Variants in TRAPPC13 observed in about 807,000 individuals in gnomAD.
TRAPPC13 encodes trafficking protein particle complex subunit 13, also known as REV7-interacting novel NHEJ regulator 1.
TRAPPC13 carries 39 observed loss-of-function variants against 54.0 expected under a neutral mutation model. The ratio of observed to expected loss-of-function variants is 0.72; its 90% CI spans 0.56 to 0.94. The LOEUF is 0.94. Among genes scored for constraint, TRAPPC13 ranks in the 40% least tolerant of loss-of-function variants. The pLI is 0.00. For missense variants in TRAPPC13, 386 were observed against 488.1 expected (o/e 0.79, Z 1.97); for synonymous variants, 148 against 167.7 (o/e 0.88, Z 0.91).
At chr5:65,628,051 A>G (rs913739746) in intron 1 of TRAPPC13, among the ~76,000 whole-genome samples, 1 of 152,056 alleles carries the variant, frequency 6.6e-6, no homozygotes, top group Non-Finnish European at 1.5e-5. Flanking sequence ...TGTTGTTAGG[A>G]TGTGAAAAAG....
At position 65,636,399 on chromosome 5, in the gene TRAPPC13, C is replaced by G. The variant is rs200749510; in HGVS notation, c.215+356C>G. On this transcript the variant is annotated intron_variant, in intron 3 of 12. Transcript: ENST00000399438. ...TCAGGTGATCCACCCGCCTCAGCCT[C>G]CCAAAGTGCTTGGATTGCAGGCATG... Among the ~76,000 whole-genome samples the G allele has an allele frequency of 4.1e-4, 63 of 152,118 alleles. No homozygotes were observed. The East Asian group carries it at 0.012, about 28-fold the overall frequency.
At chr5:65,650,360 C>T (rs1253979874) in intron 5 of TRAPPC13, among the ~76,000 whole-genome samples, 1 of 151,730 alleles carries the variant, frequency 6.6e-6, no homozygotes, top group East Asian at 1.9e-4. Flanking sequence ...CAGGGTTTCA[C>T]CATGTTTGCC....
At chr5:65,650,023 A>AT (rs1233980534) in intron 5 of TRAPPC13, among the ~76,000 whole-genome samples, 3 of 150,720 alleles carry the variant, frequency 2.0e-5, no homozygotes, top group Non-Finnish European at 4.4e-5. Context: ...TGCCCAGCTG[A>AT]TTTTTTGTAT....
chr5:65,638,278 T>C (rs1200554200), intron 4 of TRAPPC13, among the ~76,000 whole-genome samples: 1 of 152,238 alleles, frequency 6.6e-6, no homozygotes, highest in Non-Finnish European at 1.5e-5. Context: ...AAAACATTTT[T>C]CCTATTCCAC....
At chr5:65,643,589 C>T (rs2018316) in intron 4 of TRAPPC13, among the ~76,000 whole-genome samples, 2,214 of 151,856 alleles carry the variant, frequency 0.015, 46 homozygotes, top group African/African-American at 0.051. Flanking sequence ...GAGGCCGAGG[C>T]GGGCGGATCA....
At chr5:65,647,948 G>T (rs1225571371) in intron 5 of TRAPPC13, among the ~76,000 whole-genome samples, 1 of 151,980 alleles carries the variant, frequency 6.6e-6, no homozygotes, top group Non-Finnish European at 1.5e-5. Flanking sequence ...TTTGGGCTTT[G>T]GAGTCAGACT....
intron 4 of TRAPPC13, among the ~76,000 whole-genome samples, chr5:65,643,868 C>A (rs1454008484): frequency 6.7e-6 from 1 of 149,284 alleles, no homozygotes; most frequent in Non-Finnish European, 1.5e-5. Flanking sequence ...CTGTTTCATG[C>A]ATATTTATAA....
At chr5:65,635,206 T>C in intron 1 of TRAPPC13, 95 bp from the exon 2 acceptor site, 1 of 1,013,100 alleles carries the variant, frequency 9.9e-7, no homozygotes. Context: ...TATTTTATGT[T>C]AGTATAAAAT....
At chr5:65,650,308 C>T (rs1442433886) in intron 5 of TRAPPC13, among the ~76,000 whole-genome samples, 1 of 151,386 alleles carries the variant, frequency 6.6e-6, no homozygotes, top group Non-Finnish European at 1.5e-5. Context: ...ATTACAGGCG[C>T]CCACCACCAC....
Position 65,637,130 on chromosome 5 carries a change from T to C in TRAPPC13, c.216-566T>C, listed in dbSNP as rs1230734829. On this transcript the variant is annotated intron_variant, in intron 3 of 12. Coordinates refer to ENST00000399438, the MANE Select transcript of TRAPPC13 (RefSeq NM_024941.4). ...ATAGGTCTAATTTCAATGAGTCTTA[T>C]CTCTAGTGAGGTTGGCATTTTGTAC... Among the ~76,000 whole-genome samples, 5 of 152,354 alleles carry C rather than the reference T, an allele frequency of 3.3e-5. No individual in the cohort carries two copies. The East Asian group carries it at 5.8e-4, about 18-fold the overall frequency.
At chr5:65,626,895 C>A (rs1388434402) in intron 1 of TRAPPC13, among the ~76,000 whole-genome samples, 1 of 151,844 alleles carries the variant, frequency 6.6e-6, no homozygotes, top group African/African-American at 2.4e-5. Flanking sequence ...TGTAATAGCA[C>A]TTTGGGAGGC....
intron 1 of TRAPPC13, chr5:65,630,509 A>C: frequency 7.5e-7 from 1 of 1,329,784 alleles, no homozygotes; most frequent in Non-Finnish European, 9.6e-7. Context: ...GCCTTCTTTT[A>C]AATGTGATAA....
chr5:65,661,992 A>G (rs1756865411), intron 10 of TRAPPC13, 58 bp from the exon 11 acceptor site: 1 of 1,333,562 alleles, frequency 7.5e-7, no homozygotes, highest in Admixed American at 2.4e-5. Flanking sequence ...TGGTGCCTTC[A>G]TTAAAATGGA....
Position 65,647,186 on chromosome 5 carries a change from A to G in TRAPPC13, c.428+4A>G. 1 of 1,572,414 alleles carries G rather than the reference A, an allele frequency of 6.4e-7. No individual in the cohort carries two copies. The highest frequency in any genetic ancestry group is 8.6e-7 in the Non-Finnish European group (1 of 1,160,998). On this transcript the variant is annotated splice_donor_region_variant and intron_variant, in intron 5 of 12. Transcript: ENST00000399438. ...TCAAAGAAATTGGAACACACATGTA[A>G]GGATTAATTTTATTAGTTCTCAAAG...
At chr5:65,662,363 T>G in intron 11 of TRAPPC13, 1 of 382,572 alleles carries the variant, frequency 2.6e-6, no homozygotes, top group Non-Finnish European at 4.6e-6. Context: ...CTGTATTTTA[T>G]TTCATTCATT....
chr5:65,661,175 C>T (rs1462294615), intron 10 of TRAPPC13: 1 of 252,202 alleles, frequency 4.0e-6, no homozygotes, highest in African/African-American at 2.3e-5. Flanking sequence ...CCTTTGGTAA[C>T]ACATGCTCAC....
At chr5:65,636,080 G>A in intron 3 of TRAPPC13, 37 bp downstream of exon 3, 1 of 1,343,404 alleles carries the variant, frequency 7.4e-7, no homozygotes, top group South Asian at 1.3e-5. Context: ...ACCTTGTAAA[G>A]CCATTACAAA....
At chr5:65,635,513 A>C in intron 2 of TRAPPC13, 144 bp downstream of exon 2, 1 of 679,734 alleles carries the variant, frequency 1.5e-6, no homozygotes, top group Non-Finnish European at 2.5e-6. Flanking sequence ...TATCATGTGA[A>C]AGGTGGCCAT....
chr5:65,646,957 A>G, intron 4 of TRAPPC13, 98 bp from the exon 5 acceptor site: 1 of 1,147,326 alleles, frequency 8.7e-7, no homozygotes, highest in Non-Finnish European at 1.2e-6. Flanking sequence ...CTTCTTTCCT[A>G]ATTCTTATTC....
Sources: gnomAD v4.1 joint callset for allele counts (sites outside exome capture counted in the v4.1 genomes callset) on GRCh38, gnomAD v4.1.1 for gene constraint, MANE v1.5 for transcripts, NCBI Gene and HGNC (gene_info 2026-07-23, HGNC 2026-07-21) for gene names.